Variants in BICD1 observed in about 807,000 individuals in gnomAD.
BICD1 encodes protein bicaudal D homolog 1.
Under a neutral mutation model 92.5 loss-of-function variants are expected in BICD1, and 35 were observed. That is an observed-to-expected ratio of 0.38 (90% CI 0.29 to 0.50). The LOEUF (loss-of-function observed/expected upper bound fraction) is 0.50. Ranked by LOEUF, BICD1 falls within the 20% of genes least tolerant of loss-of-function variation. The pLI, the probability that BICD1 is intolerant of heterozygous loss-of-function variation, is 0.93. For missense variants in BICD1, 950 were observed against 1,189.8 expected, an observed-to-expected ratio of 0.80 and a Z score of 2.97; for synonymous variants, 429 against 465.1, an observed-to-expected ratio of 0.92 and a Z score of 1.00.
chr12:32,270,428 A>T (rs1947108621), intron 2 of BICD1, among the ~76,000 whole-genome samples: 1 of 152,202 alleles, frequency 6.6e-6, no homozygotes, highest in Non-Finnish European at 1.5e-5. Context: ...CCAGGTCCTA[A>T]TAAAAACAAG....
intron 4 of BICD1, among the ~76,000 whole-genome samples, chr12:32,312,927 T>G (rs1565662940): frequency 1.3e-5 from 2 of 152,196 alleles, no homozygotes; most frequent in Admixed American, 6.5e-5. Flanking sequence ...CATTTTCCAG[T>G]GGCAGTCAAA....
At chr12:32,342,721 G>A (rs945468931) in intron 8 of BICD1, among the ~76,000 whole-genome samples, 2 of 152,024 alleles carry the variant, frequency 1.3e-5, no homozygotes, top group East Asian at 1.9e-4. Context: ...GGTATGTGTC[G>A]TTTAAAAATT....
At chr12:32,273,237 CACTCT>C (rs1220648664) in intron 2 of BICD1, among the ~76,000 whole-genome samples, 1 of 152,170 alleles carries the variant, frequency 6.6e-6, no homozygotes, top group Admixed American at 6.5e-5. Flanking sequence ...ATCATTATTG[CACTCT>C]ACTCTCATAG....
At chr12:32,116,492 T>TCTCTCTTTCTC in intron 1 of BICD1, among the ~76,000 whole-genome samples, 1 of 122,996 alleles carries the variant, frequency 8.1e-6, no homozygotes, top group African/African-American at 3.2e-5. Context: ...CTCTCTCTCT[T>TCTCTCTTTCTC]TCTCTCTCTC....
chr12:32,124,985 A>G (rs772973021), intron 1 of BICD1, among the ~76,000 whole-genome samples: 1 of 152,204 alleles, frequency 6.6e-6, no homozygotes, highest in Non-Finnish European at 1.5e-5. Flanking sequence ...GTGACTAACA[A>G]GGGGTCTGGG....
intron 3 of BICD1, among the ~76,000 whole-genome samples, chr12:32,298,344 G>A (rs374302384): frequency 2.0e-5 from 3 of 148,130 alleles, no homozygotes; most frequent in Non-Finnish European, 1.5e-5. Context: ...GGCGGATCGC[G>A]AGGTCAGGAG....
At chr12:32,317,878 T>C (rs1357349134) in intron 4 of BICD1, among the ~76,000 whole-genome samples, 5 of 152,108 alleles carry the variant, frequency 3.3e-5, no homozygotes, top group Non-Finnish European at 4.4e-5. Context: ...CATCTTGAAT[T>C]AATTTTTGTA....
intron 8 of BICD1, among the ~76,000 whole-genome samples, chr12:32,367,102 T>A (rs1295590905): frequency 2.0e-5 from 3 of 152,216 alleles, no homozygotes; most frequent in African/African-American, 7.2e-5. Flanking sequence ...CTGCCAACAA[T>A]TCTATTGTCA....
chr12:32,258,580 C>T (rs952579111), intron 2 of BICD1, among the ~76,000 whole-genome samples: 2 of 151,644 alleles, frequency 1.3e-5, no homozygotes, highest in African/African-American at 2.4e-5. Context: ...AATGGTTGGG[C>T]GTGCTGATAT....
chr12:32,233,029 T>C (rs1192796320), intron 2 of BICD1, among the ~76,000 whole-genome samples: 1 of 152,194 alleles, frequency 6.6e-6, no homozygotes, highest in Non-Finnish European at 1.5e-5. Flanking sequence ...AAATGGCAAC[T>C]CTGGCACTGA....
At position 32,376,377 on chromosome 12, in the gene BICD1, G is replaced by A. The variant is rs181738414; in HGVS notation, c.2841-1163G>A. Among the ~76,000 whole-genome samples, 70 of 151,622 alleles carry A rather than the reference G, an allele frequency of 4.6e-4. No homozygotes were observed. In the South Asian group the frequency reaches 8.2e-3, roughly 18 times the overall value. On this transcript the variant is annotated intron_variant, in intron 9 of 9. Coordinates refer to ENST00000652176, the MANE Select transcript of BICD1 (RefSeq NM_001714.4). The stretch of plus-strand genomic sequence containing the variant: ...GCTGGGATTACAGGTGTGAGCCACC[G>A]CGCCCGGCCGCTAGTCAAATTTTAA...
chr12:32,346,342 C>A (rs898837008), intron 8 of BICD1, among the ~76,000 whole-genome samples: 1 of 150,060 alleles, frequency 6.7e-6, no homozygotes, highest in Non-Finnish European at 1.5e-5. Flanking sequence ...CATGGTGAAA[C>A]CCTGTCTCTA....
rs767249691 is a variant in BICD1 at position 32,337,672 on chromosome 12, G to A, written c.2426G>A (p.Gly809Asp). The A allele has an allele frequency of 6.2e-7, 1 of 1,614,162 alleles. No individual in the cohort carries two copies. Among genetic ancestry groups the A allele is most frequent in the Non-Finnish European group, 8.5e-7 (1 of 1,180,022 alleles). ...CATGAGCAGTCCCGACGCAGCAAAG[G>A]CAAACTTGGAAAGAGCAAGATCGGC... ...FDHEQSRRSK[G>D]KLGKSKIGSP... The change falls in exon 7 of 10, where the codon GGC becomes GAC. Residue 809 changes from glycine (G) to aspartate (D), a missense_variant. Gly to Asp is a moderately conservative substitution (Grantham distance 94). Transcript: ENST00000652176. The surrounding 1 kb of genome is among the most constrained non-coding windows in gnomAD (Gnocchi z 4.7).
chr12:32,233,616 G>T (rs1376484378), intron 2 of BICD1, among the ~76,000 whole-genome samples: 1 of 149,394 alleles, frequency 6.7e-6, no homozygotes, highest in Non-Finnish European at 1.5e-5. Flanking sequence ...CTACTTCTCG[G>T]ACCATAAGAA....
At chr12:32,253,719 C>G (rs1284161204) in intron 2 of BICD1, among the ~76,000 whole-genome samples, 1 of 152,180 alleles carries the variant, frequency 6.6e-6, no homozygotes, top group Non-Finnish European at 1.5e-5. Flanking sequence ...CTGTTTCCCT[C>G]TAACTGCAAT....
chr12:32,188,931 T>C (rs61926929), intron 1 of BICD1, among the ~76,000 whole-genome samples: 15,886 of 152,182 alleles, frequency 0.1, 1,178 homozygotes, highest in Non-Finnish European at 0.14. Flanking sequence ...GGTTTCACCA[T>C]GTTGGCCAGG....
chr12:32,270,253 C>T (rs1947105045), intron 2 of BICD1, among the ~76,000 whole-genome samples: 1 of 151,570 alleles, frequency 6.6e-6, no homozygotes, highest in African/African-American at 2.4e-5. Flanking sequence ...TAAGATGTAT[C>T]TCCAAAATCT....
intron 1 of BICD1, among the ~76,000 whole-genome samples, chr12:32,146,727 T>C (rs1222839708): frequency 6.6e-6 from 1 of 151,964 alleles, no homozygotes; most frequent in East Asian, 1.9e-4. Context: ...ATGAGGAGGA[T>C]TACCGAGTGG....
chr12:32,216,241 C>G lies in BICD1; in HGVS notation c.214-6C>G. 1.2e-6 allele frequency: 2 copies of G among 1,612,620 alleles called. No homozygotes were observed. Among genetic ancestry groups the G allele is most frequent in the Non-Finnish European group, 1.7e-6 (2 of 1,179,530 alleles). ...TGTACTCTTTTTCTTCCCATATACT[C>G]TGCAGGCATTTGGGCAGTCCTTCTC... On this transcript the variant is annotated splice_polypyrimidine_tract_variant and splice_region_variant and intron_variant, in intron 1 of 9. Transcript: ENST00000652176.
Sources: gnomAD v4.1 joint callset for allele counts (sites outside exome capture counted in the v4.1 genomes callset) on GRCh38, gnomAD v4.1.1 for gene constraint, Gnocchi (gnomAD v3.1) non-coding constraint, MANE v1.5 for transcripts, NCBI Gene and HGNC (gene_info 2026-07-23, HGNC 2026-07-21) for gene names.